NCKAP5: variants seen among roughly 807,000 people sequenced by gnomAD.
NCKAP5 encodes the protein nck-associated protein 5.
NCKAP5 carries 92 observed loss-of-function variants against 167.0 expected under a neutral mutation model. The ratio of observed to expected loss-of-function variants is 0.55; its 90% CI spans 0.47 to 0.66. NCKAP5 has a LOEUF of 0.66. Ranked by LOEUF, NCKAP5 falls within the 30% of genes least tolerant of loss-of-function variation. The pLI is 0.00. For missense variants in NCKAP5, 2,378 were observed against 2,315.0 expected, an observed-to-expected ratio of 1.03 and a Z score of -0.56; for synonymous variants, 891 against 877.4, an observed-to-expected ratio of 1.02 and a Z score of -0.27.
intron 3 of NCKAP5, among the ~76,000 whole-genome samples, chr2:133,433,333 C>A (rs757528146): frequency 1.3e-5 from 2 of 152,170 alleles, no homozygotes; most frequent in Non-Finnish European, 2.9e-5. Flanking sequence ...TTTGACACTA[C>A]AACTTCTCTG....
the NCKAP5 span, among the ~76,000 whole-genome samples, chr2:133,613,429 G>T: frequency 5.9e-5 from 9 of 152,270 alleles, no homozygotes; most frequent in African/African-American, 2.2e-4. Flanking sequence ...TAAAATTAGG[G>T]TTGCAATAAC....
At chr2:132,802,489 C>T (rs561286172) in intron 11 of NCKAP5, among the ~76,000 whole-genome samples, 1 of 152,284 alleles carries the variant, frequency 6.6e-6, no homozygotes, top group Non-Finnish European at 1.5e-5. Flanking sequence ...GGGTTTGATT[C>T]CCTTTGAGCC....
At chr2:132,685,336 T>C (rs906260114) in intron 19 of NCKAP5, among the ~76,000 whole-genome samples, 2 of 152,170 alleles carry the variant, frequency 1.3e-5, no homozygotes, top group African/African-American at 2.4e-5. Context: ...CATCCCAGGA[T>C]GGGAAGCAGC....
chr2:133,103,006 A>G (rs1204442090), intron 6 of NCKAP5, among the ~76,000 whole-genome samples: 1 of 152,138 alleles, frequency 6.6e-6, no homozygotes, highest in African/African-American at 2.4e-5. Context: ...CAGCTGTAAT[A>G]TTTTATCACC....
chr2:133,363,368 G>C (rs975107399), intron 3 of NCKAP5, among the ~76,000 whole-genome samples: 4 of 151,968 alleles, frequency 2.6e-5, no homozygotes, highest in Admixed American at 6.6e-5. Flanking sequence ...TCATTCAGTG[G>C]CAAAGTTAAG....
At chr2:133,016,451 A>G (rs577890842) in intron 6 of NCKAP5, among the ~76,000 whole-genome samples, 55 of 152,248 alleles carry the variant, frequency 3.6e-4, no homozygotes, top group Non-Finnish European at 6.3e-4. Context: ...ACAAATCTTT[A>G]CAGGCCTTCC....
intron 11 of NCKAP5, among the ~76,000 whole-genome samples, chr2:132,844,345 T>C (rs568891299): frequency 2.6e-5 from 4 of 152,154 alleles, no homozygotes; most frequent in Non-Finnish European, 5.9e-5. Context: ...AAATAAGAAT[T>C]CTACAAGAAA....
rs2082311533 is a variant in NCKAP5 at position 133,123,468 on chromosome 2, GAA to G, written c.341+6508_341+6509del. 19 of 199,498 alleles carry G rather than the reference GAA, an allele frequency of 9.5e-5. No homozygotes were observed. In the South Asian group the frequency reaches 1.7e-3, roughly 18 times the overall value. The allele number at this position is 199,498 out of a possible 1,614,324, so 12.4% of individuals were successfully genotyped here. On this transcript the variant is annotated intron_variant, in intron 6 of 19. Coordinates refer to ENST00000409261, the MANE Select transcript of NCKAP5 (RefSeq NM_207363.3). ...TTTCTTCCATCTGTTGTAATTTGAAGAAAATTTATCCTTGAACCAATGTTGCT... is the reference window on the plus strand; with the variant it reads ...TTTCTTCCATCTGTTGTAATTTGAAGAATTTATCCTTGAACCAATGTTGCT...
chr2:133,267,754 C>T (rs1417161998), intron 4 of NCKAP5, among the ~76,000 whole-genome samples: 3 of 152,120 alleles, frequency 2.0e-5, no homozygotes, highest in African/African-American at 7.2e-5. Flanking sequence ...GCAGAAATTG[C>T]TCCACCTGTA....
At chr2:132,986,078 T>G (rs1200194777) in intron 7 of NCKAP5, among the ~76,000 whole-genome samples, 1 of 151,800 alleles carries the variant, frequency 6.6e-6, no homozygotes, top group Non-Finnish European at 1.5e-5. Context: ...AAAAAAAAAA[T>G]AAGGAAAGAG....
intron 6 of NCKAP5, among the ~76,000 whole-genome samples, chr2:133,059,569 A>G (rs569741761): frequency 1.8e-4 from 28 of 151,960 alleles, no homozygotes; most frequent in Admixed American, 1.4e-3. Context: ...GCTACTCAGG[A>G]GGCTTTGGTG....
intron 5 of NCKAP5, among the ~76,000 whole-genome samples, chr2:133,174,968 C>A (rs1027684042): frequency 2.6e-5 from 4 of 152,154 alleles, no homozygotes; most frequent in African/African-American, 9.7e-5. Flanking sequence ...AAGAATTGCA[C>A]CAATTTGCAT....
chr2:132,745,444 C>A (rs1679557670), intron 16 of NCKAP5, among the ~76,000 whole-genome samples: 1 of 151,314 alleles, frequency 6.6e-6, no homozygotes, highest in Non-Finnish European at 1.5e-5. Flanking sequence ...AACTTTCTCA[C>A]TCTGTACAAG....
chr2:133,139,897 C>T (rs2082933846), intron 5 of NCKAP5, among the ~76,000 whole-genome samples: 1 of 152,130 alleles, frequency 6.6e-6, no homozygotes. Context: ...AGTAATAACC[C>T]AGGTAGGTAG....
chr2:132,790,179 G>A lies in NCKAP5; in HGVS notation c.936C>T (p.Ala312=). The A allele has an allele frequency of 6.2e-7, 1 of 1,613,258 alleles. No individual in the cohort carries two copies. Among genetic ancestry groups the A allele is most frequent in the Non-Finnish European group, 8.5e-7 (1 of 1,179,668 alleles). ...CAGCCCCCAAGCCAGGGCATTTCAA[G>A]GCCGATTTTGTATTTAGTTGGTGTT... ...VHEHQLNTKS[A]LKCPGLGAVI... The change falls in exon 13 of 20, where the codon GCC becomes GCT. Residue 312 remains alanine (A), a synonymous_variant. Coordinates refer to ENST00000409261, the MANE Select transcript of NCKAP5 (RefSeq NM_207363.3).
At chr2:133,425,418 G>T (rs1453496322) in intron 3 of NCKAP5, among the ~76,000 whole-genome samples, 1 of 152,136 alleles carries the variant, frequency 6.6e-6, no homozygotes, top group Non-Finnish European at 1.5e-5. Context: ...AATCAGGGGG[G>T]TAGTCAGCTT....
the NCKAP5 span, among the ~76,000 whole-genome samples, chr2:133,671,872 G>A: frequency 6.6e-6 from 1 of 152,246 alleles, no homozygotes; most frequent in Non-Finnish European, 1.5e-5. Flanking sequence ...AGTTCTGCCT[G>A]CTCCCCCATT....
chr2:132,761,585 G>A (rs1271001405), intron 16 of NCKAP5, among the ~76,000 whole-genome samples: 1 of 152,242 alleles, frequency 6.6e-6, no homozygotes. Flanking sequence ...TTTAGTAGAT[G>A]TGGCATTCTG....
At chr2:133,659,262 G>C in the NCKAP5 span, among the ~76,000 whole-genome samples, 1 of 151,996 alleles carries the variant, frequency 6.6e-6, no homozygotes, top group Non-Finnish European at 1.5e-5. Context: ...TCAACAAATG[G>C]TGTTGAAAAA....
Sources: gnomAD v4.1 joint callset for allele counts (sites outside exome capture counted in the v4.1 genomes callset) on GRCh38, gnomAD v4.1.1 for gene constraint, MANE v1.5 for transcripts, NCBI Gene and HGNC (gene_info 2026-07-23, HGNC 2026-07-21) for gene names.